The following KRT33B variants were observed in gnomAD, a reference collection of about 807,000 sequenced individuals.
The protein encoded by KRT33B is keratin, type I cuticular Ha3-II.
KRT33B carries 37 observed loss-of-function variants against 42.7 expected under a neutral mutation model. The observed-to-expected ratio is 0.87, with a 90% CI of 0.67 to 1.14. KRT33B has a LOEUF of 1.14. Among genes scored for constraint, KRT33B ranks in the 50% most tolerant of loss-of-function variants. KRT33B has a pLI of 0.00. For missense variants in KRT33B, 523 were observed against 515.1 expected, an observed-to-expected ratio of 1.02 and a Z score of -0.15; for synonymous variants, 237 against 221.2, an observed-to-expected ratio of 1.07 and a Z score of -0.63.
At chr17:41,369,347 T>C (rs2017744507) in intron 1 of KRT33B, 56 bp downstream of exon 1, 4 of 1,590,764 alleles carry the variant, frequency 2.5e-6, no homozygotes, top group Middle Eastern at 3.3e-4. Flanking sequence ...CAGTTTAGTA[T>C]GTCAAATATA....
At chr17:41,368,856 C>T (rs1025977885) in intron 1 of KRT33B, among the ~76,000 whole-genome samples, 6 of 151,302 alleles carry the variant, frequency 4.0e-5, no homozygotes, top group Admixed American at 2.6e-4. Context: ...GGACTCTTTA[C>T]TTATATCTAC....
At position 41,363,792 on chromosome 17, in the gene KRT33B, G is replaced by A; in HGVS notation, c.*44C>T. 2 of 1,336,306 alleles carry A rather than the reference G, an allele frequency of 1.5e-6. No individual in the cohort carries two copies. Among genetic ancestry groups the A allele is most frequent in the Non-Finnish European group, 2.1e-6 (2 of 942,658 alleles). 82.8% of individuals were successfully genotyped at this position (1,336,306 alleles called of 1,614,324 possible). A position where few individuals can be genotyped will look rare whatever the true frequency, so the allele number is the denominator to read the frequency against. On this transcript the variant is annotated 3_prime_UTR_variant, in exon 7 of 7. Transcript: ENST00000251646. ...AGAGAGGCAGAACTGGCCCACCGAT[G>A]GTAGTTCTGTCTTCATGCTATACTT...
At chr17:41,366,427 A>G in intron 3 of KRT33B, 43 bp downstream of exon 3, 1 of 1,606,812 alleles carries the variant, frequency 6.2e-7, no homozygotes, top group South Asian at 1.1e-5. Context: ...CAGGGGGATC[A>G]CAGAGCTCTC....
In KRT33B at chr17:41,364,945, G is replaced by T; in HGVS notation, c.931C>A (p.Leu311Met). ...TESEARYSSQ[L>M]SQVQSLITNV... ...GTGATCAGGCTCTGCACCTGGGACA[G>T]CTGGGAGCTGTAGCGGGCCTCGCTC... The change falls in exon 6 of 7, where the codon CTG becomes ATG. Residue 311 changes from leucine (L) to methionine (M), a missense_variant. Leu to Met is a conservative substitution (Grantham distance 15). Transcript: ENST00000251646. The T allele has an allele frequency of 6.2e-7, 1 of 1,613,458 alleles. No homozygotes were observed. The highest frequency in any genetic ancestry group is 8.5e-7 in the Non-Finnish European group (1 of 1,180,048).
chr17:41,363,924 T>C lies in KRT33B; in HGVS notation c.1127A>G (p.Asn376Ser), dbSNP rs2017658497. 6.2e-7 allele frequency: 1 copy of C among 1,611,030 alleles called. No homozygotes were observed. The highest frequency in any genetic ancestry group is 8.5e-7 in the Non-Finnish European group (1 of 1,179,264). The change falls in exon 7 of 7, where the codon AAT (asparagine) becomes AGT (serine). Residue 376 changes from asparagine to serine, a missense_variant. Asn to Ser is a conservative substitution (Grantham distance 46). Transcript: ENST00000251646. ...KLPSNPCATT[N>S]ACEKPIGSCV... ...GGATCCAATGGGCTTTTCACATGCA[T>C]TGGTGGTGGCGCAGGGGTTGGAGGG...
At chr17:41,368,056 C>T (rs2017723795) in intron 1 of KRT33B, 66 bp from the exon 2 acceptor site, 2 of 1,490,540 alleles carry the variant, frequency 1.3e-6, no homozygotes, top group Non-Finnish European at 9.3e-7. Context: ...AAGTGAAATG[C>T]TATTTTCTTT....
chr17:41,367,427 C>T (rs1486811210), intron 2 of KRT33B, among the ~76,000 whole-genome samples: 4 of 151,318 alleles, frequency 2.6e-5, no homozygotes, highest in African/African-American at 4.9e-5. Context: ...CACAGGGCTG[C>T]GCACAGTGGC....
chr17:41,364,839 C>T lies in KRT33B; in HGVS notation c.1037G>A (p.Arg346Gln), dbSNP rs777408710. ...NQEYQVLLDV[R>Q]ARLECEINTY... ...GTTGATCTCACACTCCAGCCGCGCC[C>T]GCACGTCCAGCAGCACCTGATACTC... is the stretch of plus-strand genomic sequence containing the variant. Residue 346 changes from arginine to glutamine, a missense_variant, in exon 6 of 7, where the codon CGG (arginine) becomes CAG (glutamine). By Grantham distance (43) the Arg-to-Gln change is conservative (BLOSUM62 1). Coordinates refer to ENST00000251646, the MANE Select transcript of KRT33B (RefSeq NM_002279.5). 1.9e-6 allele frequency: 3 copies of T among 1,612,738 alleles called. No individual in the cohort carries two copies. Among genetic ancestry groups the T allele is most frequent in the South Asian group, 1.1e-5 (1 of 91,066 alleles).
chr17:41,365,107 C>A, intron 5 of KRT33B, 68 bp downstream of exon 5: 1 of 1,609,298 alleles, frequency 6.2e-7, no homozygotes, highest in Non-Finnish European at 8.5e-7. Context: ...TGTGTGGCCC[C>A]AAGGGCATCC....
intron 1 of KRT33B, among the ~76,000 whole-genome samples, chr17:41,368,947 T>C (rs1309660461): frequency 6.6e-6 from 1 of 151,506 alleles, no homozygotes; most frequent in Non-Finnish European, 1.5e-5. Context: ...TCTGTAGATA[T>C]TGCTGGAGTC....
Position 41,369,704 on chromosome 17 carries a change from C to A in KRT33B, c.47G>T (p.Cys16Phe). The change falls in exon 1 of 7, where the codon TGC becomes TTC. Residue 16 changes from cysteine to phenylalanine, a missense_variant. Physicochemically the swap from Cys to Phe is radical, Grantham distance 205. Coordinates refer to ENST00000251646, the MANE Select transcript of KRT33B (RefSeq NM_002279.5). ...GGGGGGCACACAGGGCCGGGAGGAG[C>A]AGCTGGTGCGGCAGCTCAGGCTGGG... ...CLPSLSCRTS[C>F]SSRPCVPPSC... The A allele has an allele frequency of 6.2e-7, 1 of 1,613,958 alleles. No individual in the cohort carries two copies. The highest frequency in any genetic ancestry group is 1.7e-5 in the Admixed American group (1 of 60,002).
Position 41,364,861 on chromosome 17 carries a change from A to G in KRT33B, c.1015T>C (p.Tyr339His). The change falls in exon 6 of 7, where the codon TAT becomes CAT. Residue 339 changes from tyrosine to histidine, a missense_variant. Physicochemically the swap from Tyr to His is moderately conservative, Grantham distance 83. Transcript: ENST00000251646. ...GCCCGCACGTCCAGCAGCACCTGAT[A>G]CTCCTGGTTCTGCCGCTCCAGGTCA... is the stretch of plus-strand genomic sequence containing the variant. ...RSDLERQNQE[Y>H]QVLLDVRARL... 6.2e-7 allele frequency: 1 copy of G among 1,612,852 alleles called. No individual in the cohort carries two copies. The highest frequency in any genetic ancestry group is 8.5e-7 in the Non-Finnish European group (1 of 1,179,992).
rs753314087 is a variant in KRT33B, at chr17:41,364,899, G to T, written c.977C>A (p.Ala326Glu). ...CCGCTCCAGGTCACTGCGGATCTCC[G>T]CCAGCTGGGACTCCACGTTGGTGAT... ...SLITNVESQLAEIRSDLERQN... is the reference protein window; with the variant it reads ...SLITNVESQLEEIRSDLERQN... The change falls in exon 6 of 7, where the codon GCG becomes GAG. Residue 326 changes from alanine to glutamate, a missense_variant. Coordinates refer to ENST00000251646, the MANE Select transcript of KRT33B (RefSeq NM_002279.5). 1 of 1,613,258 alleles carries T rather than the reference G, an allele frequency of 6.2e-7. No individual in the cohort carries two copies. The highest frequency in any genetic ancestry group is 1.3e-5 in the African/African-American group (1 of 74,100).
At chr17:41,368,089 C>G (rs1164781325) in intron 1 of KRT33B, 99 bp from the exon 2 acceptor site, 1 of 1,105,664 alleles carries the variant, frequency 9.0e-7, no homozygotes, top group Non-Finnish European at 1.4e-6. Flanking sequence ...TCCCAAATAG[C>G]TTTGAGTCCT....
chr17:41,369,433 G>C lies in KRT33B; in HGVS notation c.318C>G (p.Tyr106Ter), dbSNP rs755344795. ...GCTGGAGCTCCTCAATGGTCTTGAA[G>C]TAGGACTGGTAGCTGGGGCACAGCA... ...EPLLCPSYQS[Y>*]FKTIEELQQK... The change falls in exon 1 of 7, where the codon TAC becomes TAG. Residue 106 changes from tyrosine to a stop codon, truncating the protein, a stop_gained. Coordinates refer to ENST00000251646, the MANE Select transcript of KRT33B (RefSeq NM_002279.5). LOFTEE classifies it high-confidence loss of function. 4 of 1,613,426 alleles carry C rather than the reference G, an allele frequency of 2.5e-6. No individual in the cohort carries two copies. The South Asian group carries it at 3.3e-5, about 13-fold the overall frequency.
chr17:41,365,317 G>C lies in KRT33B; in HGVS notation c.751-17C>G, dbSNP rs747499855. 8 of 1,612,606 alleles carry C rather than the reference G, an allele frequency of 5.0e-6. No individual in the cohort carries two copies. Among genetic ancestry groups the C allele is most frequent in the Non-Finnish European group, 5.1e-6 (6 of 1,179,890 alleles). The stretch of plus-strand genomic sequence containing the variant: ...CTCCTCGGTCTGAAACACCCAAGGG[G>C]AGAAAGGATCAGACCCTGCCTCCGG... On this transcript the variant is annotated splice_polypyrimidine_tract_variant and intron_variant, in intron 4 of 6. Coordinates refer to ENST00000251646, the MANE Select transcript of KRT33B (RefSeq NM_002279.5).
chr17:41,368,038 G>T (rs1420982608), intron 1 of KRT33B, 48 bp from the exon 2 acceptor site: 2 of 1,550,552 alleles, frequency 1.3e-6, no homozygotes, highest in South Asian at 2.2e-5. Context: ...GAAATGCCTT[G>T]TGCCTTAAAG....
chr17:41,365,040 T>TC, intron 5 of KRT33B, 41 bp from the exon 6 acceptor site: 1 of 1,611,548 alleles, frequency 6.2e-7, no homozygotes, highest in Non-Finnish European at 8.5e-7. Context: ...AGCTGCTCCT[T>TC]ATAGGGTTCC....
intron 3 of KRT33B, 70 bp from the exon 4 acceptor site, chr17:41,365,623 A>G: frequency 6.5e-7 from 1 of 1,539,540 alleles, no homozygotes; most frequent in East Asian, 2.4e-5. Context: ...AGGCAGTTCA[A>G]TATAATGGGA....
Sources: gnomAD v4.1 joint callset for allele counts (sites outside exome capture counted in the v4.1 genomes callset) on GRCh38, gnomAD v4.1.1 for gene constraint, MANE v1.5 for transcripts, NCBI Gene and HGNC (gene_info 2026-07-23, HGNC 2026-07-21) for gene names.